METAP2: variants seen among roughly 807,000 people sequenced by gnomAD.
METAP2 encodes the protein methionyl aminopeptidase 2, also known as methionine aminopeptidase 2.
Under a neutral mutation model 59.4 loss-of-function variants are expected in METAP2, and 25 were observed. That is an observed-to-expected ratio of 0.42 (90% CI 0.31 to 0.59). The LOEUF (loss-of-function observed/expected upper bound fraction) is 0.59, where lower values mean the gene tolerates loss of function less well. Among genes scored for constraint, METAP2 ranks in the 20% least tolerant of loss-of-function variants. The pLI, the probability that METAP2 is intolerant of heterozygous loss-of-function variation, is 0.16. For missense variants in METAP2, 366 were observed against 581.2 expected (o/e 0.63, Z 3.81); for synonymous variants, 214 against 194.1 (o/e 1.10, Z -0.85).
chr12:95,478,524 C>T (rs58136580), intron 2 of METAP2, among the ~76,000 whole-genome samples: 11,692 of 151,852 alleles, frequency 0.077, 593 homozygotes, highest in African/African-American at 0.13. Flanking sequence ...CCCAGCTACT[C>T]GGGAGGCTGA....
chr12:95,504,068 G>T lies in METAP2; in HGVS notation c.871G>T (p.Ala291Ser), dbSNP rs767541838. The stretch of plus-strand genomic sequence containing the variant: ...GCATATGTTACTCTTTTTTTAGTGT[G>T]CTGGAATTGATGTTCGTCTGTGTGA... ...KDATNTGIKC[A>S]GIDVRLCDVG... Residue 291 changes from alanine (A) to serine (S), a missense_variant, in exon 8 of 11, where the codon GCT becomes TCT. This residue lies in a region of METAP2 where 106 missense variants were observed against 221.9 expected (regional missense o/e 0.48). Transcript: ENST00000323666. 1 of 1,611,000 alleles carries T rather than the reference G, an allele frequency of 6.2e-7. No individual in the cohort carries two copies.
intron 7 of METAP2, among the ~76,000 whole-genome samples, chr12:95,502,128 A>T (rs2076320719): frequency 6.6e-6 from 1 of 151,544 alleles, no homozygotes; most frequent in African/African-American, 2.4e-5. Context: ...TCAGTTCTCC[A>T]AGTAGCTGGG....
rs200617355 is a variant in METAP2, at chr12:95,494,237, G to A, written c.590+20G>A. On this transcript the variant is annotated intron_variant, in intron 5 of 10. Transcript: ENST00000323666. ...AATCTGGTAAAAGGAATACTTCTTC[G>A]TAAGAACATGATAAAAAATGTTTTA... The A allele has an allele frequency of 3.7e-6, 6 of 1,600,810 alleles. No homozygotes were observed. Among genetic ancestry groups the A allele is most frequent in the Admixed American group, 1.7e-5 (1 of 58,874 alleles).
At chr12:95,479,978 C>A (rs2076147093) in intron 2 of METAP2, among the ~76,000 whole-genome samples, 1 of 152,304 alleles carries the variant, frequency 6.6e-6, no homozygotes. Context: ...GTAACTACTA[C>A]CACGACGGAA....
chr12:95,494,250 A>G (rs1313809130), intron 5 of METAP2, 33 bp downstream of exon 5: 1 of 1,591,004 alleles, frequency 6.3e-7, no homozygotes, highest in East Asian at 2.2e-5. Context: ...AGAACATGAT[A>G]AAAAATGTTT....
At chr12:95,494,289 G>A in intron 5 of METAP2, 72 bp downstream of exon 5, 1 of 1,413,416 alleles carries the variant, frequency 7.1e-7, no homozygotes, top group Non-Finnish European at 9.6e-7. Flanking sequence ...CAATTATAAT[G>A]TTTGGCTTTC....
Position 95,476,268 on chromosome 12 carries a change from A to G in METAP2, c.259+90A>G, listed in dbSNP as rs148131717. On this transcript the variant is annotated intron_variant, in intron 2 of 10. Coordinates refer to ENST00000323666, the MANE Select transcript of METAP2 (RefSeq NM_006838.4). ...ACACCTGTAATCCCAGCACTTTGGG[A>G]GGTCGAGGCGGGTGGATTACATAAG... is the stretch of plus-strand genomic sequence containing the variant. 590 of 766,120 alleles carry G rather than the reference A, an allele frequency of 7.7e-4. 5 individuals carry two copies. The East Asian group carries it at 0.016, about 20-fold the overall frequency. 47.5% of individuals were successfully genotyped at this position (766,120 alleles called of 1,614,324 possible).
At chr12:95,481,372 C>T (rs1292932762) in intron 2 of METAP2, among the ~76,000 whole-genome samples, 1 of 152,198 alleles carries the variant, frequency 6.6e-6, no homozygotes, top group East Asian at 1.9e-4. Context: ...GATCCTGCCA[C>T]TGCACTCCAG....
At chr12:95,493,273 C>G (rs796992299) in intron 4 of METAP2, among the ~76,000 whole-genome samples, 17 of 152,254 alleles carry the variant, frequency 1.1e-4, no homozygotes, top group African/African-American at 3.9e-4. Flanking sequence ...GGCAGGAGTT[C>G]AAGATCAGCC....
intron 8 of METAP2, 96 bp downstream of exon 8, chr12:95,504,257 G>A (rs1278595619): frequency 2.5e-6 from 2 of 796,690 alleles, no homozygotes; most frequent in Admixed American, 5.0e-5. Context: ...TTCTATCTTG[G>A]TAATTCAAGG....
intron 1 of METAP2, among the ~76,000 whole-genome samples, chr12:95,475,847 T>C (rs1230354848): frequency 2.6e-5 from 4 of 152,208 alleles, no homozygotes; most frequent in Admixed American, 2.6e-4. Flanking sequence ...TTTTAGCTGC[T>C]AGTGTGTGTA....
At chr12:95,482,278 AT>A (rs1379326123) in intron 2 of METAP2, 5 of 376,746 alleles carry the variant, frequency 1.3e-5, no homozygotes, top group Non-Finnish European at 2.7e-5. Context: ...CACCTGGATA[AT>A]TTTTTGTACT....
At chr12:95,498,033 T>C (rs2076287846) in intron 7 of METAP2, among the ~76,000 whole-genome samples, 2 of 150,502 alleles carry the variant, frequency 1.3e-5, no homozygotes, top group Non-Finnish European at 3.0e-5. Flanking sequence ...CTGAGGAGGC[T>C]GAGGCAGGAG....
chr12:95,503,781 C>T (rs2076334481), intron 7 of METAP2, among the ~76,000 whole-genome samples: 3 of 152,146 alleles, frequency 2.0e-5, no homozygotes, highest in South Asian at 4.1e-4. Context: ...TTGACCATCC[C>T]ATTATTCCCC....
chr12:95,483,059 A>G (rs975199416), intron 2 of METAP2, among the ~76,000 whole-genome samples, 156 bp from the exon 3 acceptor site: 4 of 152,162 alleles, frequency 2.6e-5, no homozygotes, highest in Admixed American at 1.3e-4. Context: ...GCTGCTTCCT[A>G]TTTCTTATTT....
intron 10 of METAP2, 71 bp from the exon 11 acceptor site, chr12:95,513,581 G>A: frequency 6.5e-7 from 1 of 1,531,640 alleles, no homozygotes. Flanking sequence ...TAAGGTCTGG[G>A]CTTTTCTTAA....
chr12:95,501,225 G>C (rs1257479357), intron 7 of METAP2, among the ~76,000 whole-genome samples: 1 of 151,950 alleles, frequency 6.6e-6, no homozygotes, highest in Non-Finnish European at 1.5e-5. Flanking sequence ...ACAGGGTCTT[G>C]CTGTCTTGCC....
At chr12:95,496,119 A>G (rs754911235) in intron 7 of METAP2, 21 bp downstream of exon 7, 4 of 1,446,478 alleles carry the variant, frequency 2.8e-6, no homozygotes, top group Non-Finnish European at 3.8e-6. Flanking sequence ...TGTAAGCACC[A>G]TTTCATTCCC....
intron 10 of METAP2, among the ~76,000 whole-genome samples, chr12:95,513,120 C>T (rs1354891517): frequency 6.6e-6 from 1 of 151,790 alleles, no homozygotes; most frequent in African/African-American, 2.4e-5. Flanking sequence ...CACACACACA[C>T]ACACACACAC....
Sources: allele counts gnomAD v4.1 joint callset (sites outside exome capture counted in the v4.1 genomes callset), GRCh38; gene constraint gnomAD v4.1.1; regional missense constraint gnomAD v4.1.1; transcripts MANE v1.5; gene names NCBI Gene and HGNC (gene_info 2026-07-23, HGNC 2026-07-21).